Variants in P4HB observed in about 807,000 individuals in gnomAD.
The protein encoded by P4HB is prolyl 4-hydroxylase subunit beta, also known as protein disulfide-isomerase.
In P4HB, 20 loss-of-function variants were observed where a neutral mutation model predicts 52.6. The observed-to-expected ratio is 0.38, with a 90% CI of 0.27 to 0.55. P4HB has a LOEUF of 0.55. Among genes scored for constraint, P4HB ranks in the 20% least tolerant of loss-of-function variants. The pLI, the probability that P4HB is intolerant of heterozygous loss-of-function variation, is 0.74. For synonymous variants in P4HB, 296 were observed against 277.9 expected, an observed-to-expected ratio of 1.07 and a Z score of -0.65; for missense variants, 601 against 669.2, an observed-to-expected ratio of 0.90 and a Z score of 1.12.
chr17:81,846,112 C>T lies in P4HB; in HGVS notation c.1057-121G>A, dbSNP rs573816855. The T allele has an allele frequency of 1.4e-5, 18 of 1,246,600 alleles. No individual in the cohort carries two copies. In the African/African-American group the frequency reaches 1.7e-4, roughly 12 times the overall value. The allele number at this position is 1,246,600 out of a possible 1,614,324, so 77.2% of individuals were successfully genotyped here. A position where few individuals can be genotyped will look rare whatever the true frequency, so the allele number is the denominator to read the frequency against. ...GCCCTGGGCACACCAGGGTGGCAGC[C>T]GCAGACACCAACAGTGCCAAGAATC... is the stretch of plus-strand genomic sequence containing the variant. On this transcript the variant is annotated intron_variant, in intron 7 of 10. Transcript: ENST00000331483. This position sits in a 1 kb window ranked among gnomAD's most constrained non-coding sequence, Gnocchi z 5.7.
chr17:81,858,167 G>T (rs774940312), intron 2 of P4HB, among the ~76,000 whole-genome samples: 1 of 149,616 alleles, frequency 6.7e-6, no homozygotes, highest in Non-Finnish European at 1.5e-5. Flanking sequence ...AGCTACTCAA[G>T]AGGCTGAGGC....
chr17:81,857,655 C>T (rs1352417739), intron 2 of P4HB, among the ~76,000 whole-genome samples: 6 of 152,170 alleles, frequency 3.9e-5, no homozygotes, highest in Non-Finnish European at 7.3e-5. Flanking sequence ...CGGGAGTTCT[C>T]GCCAATGGCC....
chr17:81,849,266 G>A (rs908356056), intron 4 of P4HB, among the ~76,000 whole-genome samples: 23 of 152,014 alleles, frequency 1.5e-4, no homozygotes, highest in South Asian at 2.1e-4. Context: ...AGGCTGAGGC[G>A]GGCGGATCAC....
At chr17:81,845,075 A>G (rs1286396627) in intron 10 of P4HB, 69 bp downstream of exon 10, 1 of 1,260,600 alleles carries the variant, frequency 7.9e-7, no homozygotes, top group African/African-American at 1.5e-5. Context: ...GCCGAGCCCA[A>G]GTGGGCATGT....
chr17:81,849,220 C>T (rs956483509), intron 4 of P4HB, among the ~76,000 whole-genome samples: 9 of 151,062 alleles, frequency 6.0e-5, no homozygotes, highest in African/African-American at 2.2e-4. Flanking sequence ...ACAGGCCAGG[C>T]GTGGTGGCTC....
Position 81,855,606 on chromosome 17 carries a change from G to A in P4HB, c.353-20C>T. The A allele has an allele frequency of 1.2e-6, 2 of 1,607,878 alleles. No individual in the cohort carries two copies. Among genetic ancestry groups the A allele is most frequent in the Non-Finnish European group, 1.7e-6 (2 of 1,176,258 alleles). On this transcript the variant is annotated intron_variant, in intron 2 of 10. Transcript: ENST00000331483. The surrounding 1 kb of genome is among the most constrained non-coding windows in gnomAD (Gnocchi z 4.3). ...TGCCAGCTAACCCCAAACAAATGTAGGTTCTACTCTCAAACAGGGAGTGCC... is the reference window on the plus strand; with the variant it reads ...TGCCAGCTAACCCCAAACAAATGTAAGTTCTACTCTCAAACAGGGAGTGCC...
At chr17:81,845,424 GT>G in intron 9 of P4HB, 136 bp downstream of exon 9, 1 of 916,286 alleles carries the variant, frequency 1.1e-6, no homozygotes, top group Non-Finnish European at 1.6e-6. Context: ...ACAAAGGTGG[GT>G]GCTTCTGAAG....
At chr17:81,853,991 C>T (rs925539282) in intron 4 of P4HB, among the ~76,000 whole-genome samples, 8 of 152,198 alleles carry the variant, frequency 5.3e-5, no homozygotes, top group Admixed American at 2.0e-4. Context: ...GTCCTGGTAA[C>T]GGGGAGAGGC....
At chr17:81,845,408 C>T (rs1045363712) in intron 9 of P4HB, 153 bp downstream of exon 9, 11 of 871,784 alleles carry the variant, frequency 1.3e-5, no homozygotes, top group Admixed American at 5.1e-5. Flanking sequence ...CCATCTCTCT[C>T]GAAAAACAAA....
chr17:81,855,672 A>G lies in P4HB; in HGVS notation c.353-86T>C. The G allele has an allele frequency of 6.8e-7, 1 of 1,480,510 alleles. No individual in the cohort carries two copies. Among genetic ancestry groups the G allele is most frequent in the African/African-American group, 1.4e-5 (1 of 72,402 alleles). 91.7% of individuals were successfully genotyped at this position (1,480,510 alleles called of 1,614,324 possible). On this transcript the variant is annotated intron_variant, in intron 2 of 10. Coordinates refer to ENST00000331483, the MANE Select transcript of P4HB (RefSeq NM_000918.4). The surrounding 1 kb of genome is among the most constrained non-coding windows in gnomAD (Gnocchi z 4.3). ...CCTGCTCCCGTCTCTGCTCTCTGCC[A>G]GCCAGGCTGAGGACACCTGAATCAA...
intron 2 of P4HB, among the ~76,000 whole-genome samples, chr17:81,856,838 C>T (rs1406070396): frequency 1.3e-5 from 2 of 151,428 alleles, no homozygotes; most frequent in Admixed American, 6.6e-5. Context: ...TTAGTAGAGA[C>T]GGGGTTTCAC....
intron 1 of P4HB, 79 bp downstream of exon 1, chr17:81,860,248 G>C: frequency 1.7e-6 from 2 of 1,196,574 alleles, no homozygotes; most frequent in Non-Finnish European, 2.1e-6. Context: ...GACCCCGGGG[G>C]CTGCCGGGCC....
In P4HB at chr17:81,859,382, G is replaced by C; in HGVS notation, c.151C>G (p.Pro51Ala). 1.2e-6 allele frequency: 2 copies of C among 1,612,552 alleles called. No individual in the cohort carries two copies. The highest frequency in any genetic ancestry group is 1.1e-5 in the South Asian group (1 of 91,074). ...HKYLLVEFYA[P>A]WCGHCKALAP... Reference sequence around the variant, plus strand: ...AGAGCCTTGCAGTGGCCACACCAAGGGGCATCTGGAAGCGGAAATGAGATG... The same window carrying C: ...AGAGCCTTGCAGTGGCCACACCAAGCGGCATCTGGAAGCGGAAATGAGATG... Residue 51 changes from proline to alanine, a missense_variant, in exon 2 of 11, where the codon CCT becomes GCT. Pro to Ala is a conservative substitution (Grantham distance 27). Transcript: ENST00000331483.
At chr17:81,858,075 C>A (rs2038939622) in intron 2 of P4HB, among the ~76,000 whole-genome samples, 1 of 151,896 alleles carries the variant, frequency 6.6e-6, no homozygotes, top group Admixed American at 6.6e-5. Context: ...CGATCGAGAC[C>A]ATCCTGGCCA....
intron 4 of P4HB, 91 bp from the exon 5 acceptor site, chr17:81,847,438 G>T: frequency 9.3e-7 from 1 of 1,074,526 alleles, no homozygotes; most frequent in Non-Finnish European, 1.4e-6. Context: ...AGTCACAGCA[G>T]CCAGCAGCCC....
chr17:81,856,464 C>T (rs868198625), intron 2 of P4HB, among the ~76,000 whole-genome samples: 4 of 150,898 alleles, frequency 2.7e-5, no homozygotes, highest in South Asian at 4.2e-4. Context: ...GACCCTCCCG[C>T]GTAGCTAGGA....
At chr17:81,845,078 G>A (rs541730320) in intron 10 of P4HB, 66 bp downstream of exon 10, 1 of 1,264,842 alleles carries the variant, frequency 7.9e-7, no homozygotes, top group South Asian at 1.2e-5. Flanking sequence ...GAGCCCAAGT[G>A]GGCATGTCCC....
At chr17:81,844,797 C>G (rs1306044356) in intron 10 of P4HB, among the ~76,000 whole-genome samples, 1 of 152,274 alleles carries the variant, frequency 6.6e-6, no homozygotes, top group Non-Finnish European at 1.5e-5. Context: ...CGCCCTTGTG[C>G]CCGGGCCCCG....
chr17:81,857,469 TTTTC>T (rs1362350328), intron 2 of P4HB, among the ~76,000 whole-genome samples: 1 of 152,194 alleles, frequency 6.6e-6, no homozygotes, highest in African/African-American at 2.4e-5. Flanking sequence ...GTTATCTAAA[TTTTC>T]TTTGACATGT....
Sources: allele counts gnomAD v4.1 joint callset (sites outside exome capture counted in the v4.1 genomes callset), GRCh38; gene constraint gnomAD v4.1.1; non-coding constraint Gnocchi (gnomAD v3.1); transcripts MANE v1.5; gene names NCBI Gene and HGNC (gene_info 2026-07-23, HGNC 2026-07-21).